Variants in REC114 observed in about 807,000 individuals in gnomAD.
The protein encoded by REC114 is REC114 meiotic recombination protein.
In REC114, 27 loss-of-function variants were observed where a neutral mutation model predicts 31.3. The observed-to-expected ratio is 0.86, with a 90% confidence interval of 0.64 to 1.19. The LOEUF (loss-of-function observed/expected upper bound fraction) is 1.19, where lower values mean the gene tolerates loss of function less well. Ranked by LOEUF, REC114 falls within the 50% of genes most tolerant of loss-of-function variation. The pLI is 0.00. For missense variants in REC114, 344 were observed against 326.9 expected (o/e 1.05, Z -0.40); for synonymous variants, 134 against 127.7 (o/e 1.05, Z -0.33).
At chr15:73,520,472 A>G (rs1456015746) in intron 2 of REC114, among the ~76,000 whole-genome samples, 1 of 152,040 alleles carries the variant, frequency 6.6e-6, no homozygotes, top group South Asian at 2.1e-4. Context: ...CTTGTGATCC[A>G]CCCACCTTGG....
At position 73,559,895 on chromosome 15, in the gene REC114, G is replaced by C. The variant is rs1894557232; in HGVS notation, c.780G>C (p.Lys260Asn). ...AAGAGGTAGAAAAGGAACTGAAAAA[G>C]CTGGCGGGTTTGAGAAATTAATGCT... is the stretch of plus-strand genomic sequence containing the variant. Reference protein sequence around the residue: ...FVEEVEKELKKLAGLRN With the variant: ...FVEEVEKELKNLAGLRN Residue 260 changes from lysine to asparagine, a missense_variant, in exon 6 of 6, where the codon AAG becomes AAC. By Grantham distance (94) the Lys-to-Asn change is moderately conservative (BLOSUM62 0). Transcript: ENST00000331090. The C allele has an allele frequency of 6.2e-7, 1 of 1,611,568 alleles. No individual in the cohort carries two copies. Among genetic ancestry groups the C allele is most frequent in the Non-Finnish European group, 8.5e-7 (1 of 1,179,184 alleles).
At chr15:73,555,764 TTC>T (rs1421955355) in intron 4 of REC114, among the ~76,000 whole-genome samples, 1 of 152,236 alleles carries the variant, frequency 6.6e-6, no homozygotes, top group Non-Finnish European at 1.5e-5. Context: ...GAAGAACTGA[TTC>T]TTTCAGAATA....
At chr15:73,538,243 G>A (rs1215160876) in intron 2 of REC114, among the ~76,000 whole-genome samples, 2 of 152,022 alleles carry the variant, frequency 1.3e-5, no homozygotes, top group African/African-American at 4.8e-5. Flanking sequence ...TGGTATAAGT[G>A]TAAAACACAC....
intron 1 of REC114, among the ~76,000 whole-genome samples, chr15:73,445,036 A>T (rs966948162): frequency 1.3e-5 from 2 of 152,222 alleles, no homozygotes; most frequent in African/African-American, 4.8e-5. Context: ...AATATTCAGT[A>T]AACCATGCTA....
rs1595876108 is a variant in REC114 at position 73,518,763 on chromosome 15, A to T, written c.250-21722A>T. Among the ~76,000 whole-genome samples, 3 of 152,316 alleles carry T rather than the reference A, an allele frequency of 2.0e-5. No individual in the cohort carries two copies. The South Asian group carries it at 6.2e-4, about 32-fold the overall frequency. ...GGTAAAAAGAAGCCTTTGGCCCAAT[A>T]CATTTGAATAACTGCTTCTGCAATA... On this transcript the variant is annotated intron_variant, in intron 2 of 5. Coordinates refer to ENST00000331090, the MANE Select transcript of REC114 (RefSeq NM_001042367.2).
At chr15:73,544,679 G>T (rs1312862337) in intron 3 of REC114, among the ~76,000 whole-genome samples, 1 of 152,186 alleles carries the variant, frequency 6.6e-6, no homozygotes, top group Non-Finnish European at 1.5e-5. Flanking sequence ...TTTTTAAAAT[G>T]ATTTCGTCTA....
intron 3 of REC114, among the ~76,000 whole-genome samples, chr15:73,543,126 T>C (rs1267969300): frequency 6.6e-6 from 1 of 152,174 alleles, no homozygotes; most frequent in East Asian, 1.9e-4. Context: ...TTAATTTGCA[T>C]TTCTTGTTAA....
chr15:73,458,857 G>A (rs1321815955), intron 1 of REC114, among the ~76,000 whole-genome samples: 1 of 152,184 alleles, frequency 6.6e-6, no homozygotes, highest in Non-Finnish European at 1.5e-5. Context: ...TATTCCACAA[G>A]TTCATATGTC....
At chr15:73,464,731 T>G (rs1278096314) in intron 1 of REC114, among the ~76,000 whole-genome samples, 1 of 152,160 alleles carries the variant, frequency 6.6e-6, no homozygotes, top group Admixed American at 6.5e-5. Context: ...TTCTAGGGAC[T>G]AGGCTCTCTC....
chr15:73,516,318 C>G (rs1314148034), intron 2 of REC114, among the ~76,000 whole-genome samples: 2 of 152,014 alleles, frequency 1.3e-5, no homozygotes, highest in African/African-American at 4.8e-5. Context: ...AATTAAGGTT[C>G]TGATTGTTAG....
At chr15:73,471,360 G>A (rs1012234205) in intron 1 of REC114, among the ~76,000 whole-genome samples, 2 of 151,818 alleles carry the variant, frequency 1.3e-5, no homozygotes, top group African/African-American at 2.4e-5. Flanking sequence ...AGAAATGGAA[G>A]GAAAGAATTA....
intron 3 of REC114, among the ~76,000 whole-genome samples, chr15:73,550,454 A>T (rs1894371557): frequency 6.6e-6 from 1 of 152,176 alleles, no homozygotes; most frequent in African/African-American, 2.4e-5. Context: ...ATTAGCTTTG[A>T]GCATCTGCCT....
At chr15:73,508,067 T>C (rs1893705516) in intron 2 of REC114, among the ~76,000 whole-genome samples, 1 of 152,164 alleles carries the variant, frequency 6.6e-6, no homozygotes, top group Admixed American at 6.6e-5. Context: ...CAGTGGCTTT[T>C]GTTGGTTGGT....
intron 4 of REC114, among the ~76,000 whole-genome samples, chr15:73,555,610 TG>T (rs1334901401): frequency 6.6e-6 from 1 of 152,158 alleles, no homozygotes; most frequent in Non-Finnish European, 1.5e-5. Context: ...TGGTTTTACT[TG>T]TTAGGTTCTC....
At chr15:73,476,409 C>G (rs1368282033) in intron 2 of REC114, among the ~76,000 whole-genome samples, 2 of 152,144 alleles carry the variant, frequency 1.3e-5, no homozygotes, top group African/African-American at 4.8e-5. Context: ...TCTGCCCACC[C>G]TCAGCACCTA....
chr15:73,518,845 C>CT (rs1412342344), intron 2 of REC114, among the ~76,000 whole-genome samples: 1 of 152,192 alleles, frequency 6.6e-6, no homozygotes. Flanking sequence ...GTTGTTATAA[C>CT]TTTAAAAGAG....
intron 2 of REC114, among the ~76,000 whole-genome samples, chr15:73,506,133 G>C (rs1387707757): frequency 6.6e-6 from 1 of 151,964 alleles, no homozygotes; most frequent in Admixed American, 6.6e-5. Context: ...CTTATTTATG[G>C]AATAGGCTCC....
chr15:73,515,531 G>A (rs1156841760), intron 2 of REC114, among the ~76,000 whole-genome samples: 1 of 152,172 alleles, frequency 6.6e-6, no homozygotes, highest in Admixed American at 6.6e-5. Flanking sequence ...AGCCCACAAA[G>A]TGATGGTGTT....
intron 4 of REC114, among the ~76,000 whole-genome samples, chr15:73,555,053 G>A (rs985752517): frequency 4.6e-5 from 7 of 152,144 alleles, no homozygotes; most frequent in Admixed American, 2.0e-4. Context: ...TCTTGTCTTT[G>A]TTCTTTCCTT....
Sources: gnomAD v4.1 joint callset for allele counts (sites outside exome capture counted in the v4.1 genomes callset) on GRCh38, gnomAD v4.1.1 for gene constraint, MANE v1.5 for transcripts, NCBI Gene and HGNC (gene_info 2026-07-23, HGNC 2026-07-21) for gene names.